Variants in AKAP13 observed in about 807,000 individuals in gnomAD.
AKAP13 encodes the protein A-kinase anchoring protein 13.
AKAP13 carries 80 observed loss-of-function variants against 264.5 expected under a neutral mutation model. That is an observed-to-expected ratio of 0.30 (90% confidence interval 0.25 to 0.36). AKAP13 has a LOEUF of 0.36. AKAP13 is among the 10% of genes least tolerant of loss of function. The pLI is 1.00. For missense variants in AKAP13, 3,712 were observed against 3,435.2 expected, an observed-to-expected ratio of 1.08 and a Z score of -2.01; for synonymous variants, 1,380 against 1,250.2, an observed-to-expected ratio of 1.10 and a Z score of -2.19.
chr15:85,629,820 C>G (rs999757564), intron 8 of AKAP13, among the ~76,000 whole-genome samples: 2 of 117,740 alleles, frequency 1.7e-5, no homozygotes, highest in Non-Finnish European at 3.3e-5. Context: ...GGCTGTGTCA[C>G]CCAGGCTGGA....
intron 1 of AKAP13, among the ~76,000 whole-genome samples, chr15:85,411,822 G>A (rs1447366673): frequency 1.3e-5 from 2 of 152,156 alleles, no homozygotes; most frequent in Admixed American, 6.5e-5. Flanking sequence ...TTGGTTATTT[G>A]GCAGATACCT....
At chr15:85,624,149 T>G (rs1441950548) in intron 8 of AKAP13, among the ~76,000 whole-genome samples, 1 of 152,234 alleles carries the variant, frequency 6.6e-6, no homozygotes, top group Non-Finnish European at 1.5e-5. Context: ...CCATTGCTGT[T>G]TTACTAATTT....
chr15:85,555,148 C>T (rs1012284872), intron 5 of AKAP13, among the ~76,000 whole-genome samples: 4 of 152,070 alleles, frequency 2.6e-5, no homozygotes, highest in Admixed American at 6.6e-5. Context: ...GAGTTCCCTA[C>T]GGATAGCTAA....
intron 1 of AKAP13, among the ~76,000 whole-genome samples, chr15:85,483,788 G>C (rs1422102824): frequency 6.6e-6 from 1 of 152,186 alleles, no homozygotes; most frequent in Non-Finnish European, 1.5e-5. Flanking sequence ...TCTAGCCTGG[G>C]CGACAGAGCG....
chr15:85,574,534 G>A (rs2078944408), intron 5 of AKAP13, among the ~76,000 whole-genome samples: 1 of 152,160 alleles, frequency 6.6e-6, no homozygotes, highest in Non-Finnish European at 1.5e-5. Flanking sequence ...TTAAGTTCTT[G>A]GAACCAAGTG....
Position 85,481,195 on chromosome 15 carries a change from A to T in AKAP13, c.-11-4515A>T, listed in dbSNP as rs1221068410. ...TGGTCCTCTATAGTGAGTGGTTTTTACATAGTTCTTTGCAGCAGCATGAAT... is the reference window on the plus strand; with the variant it reads ...TGGTCCTCTATAGTGAGTGGTTTTTTCATAGTTCTTTGCAGCAGCATGAAT... On this transcript the variant is annotated intron_variant, in intron 1 of 36. Coordinates refer to ENST00000394518, the MANE Select transcript of AKAP13 (RefSeq NM_007200.5). Among the ~76,000 whole-genome samples, 10 of 152,058 alleles carry T rather than the reference A, an allele frequency of 6.6e-5. 1 individual carries two copies. Among genetic ancestry groups the T allele is most frequent in the Admixed American group, 4.6e-4 (7 of 15,280 alleles).
At chr15:85,482,973 T>G (rs1441447881) in intron 1 of AKAP13, among the ~76,000 whole-genome samples, 1 of 152,212 alleles carries the variant, frequency 6.6e-6, no homozygotes, top group African/African-American at 2.4e-5. Flanking sequence ...ACAGACACTT[T>G]GTCATCCCTC....
intron 1 of AKAP13, among the ~76,000 whole-genome samples, chr15:85,422,244 G>T (rs149202888): frequency 6.6e-6 from 1 of 152,284 alleles, no homozygotes; most frequent in African/African-American, 2.4e-5. Context: ...GCTGTTACGA[G>T]ATTTGAGGTG....
intron 8 of AKAP13, among the ~76,000 whole-genome samples, chr15:85,597,458 A>G (rs960202115): frequency 2.6e-5 from 4 of 152,152 alleles, no homozygotes; most frequent in Non-Finnish European, 5.9e-5. Context: ...AAATAGGACC[A>G]TCTTTACTGG....
intron 8 of AKAP13, among the ~76,000 whole-genome samples, chr15:85,596,098 T>A (rs1055122424): frequency 5.9e-5 from 9 of 152,222 alleles, no homozygotes; most frequent in African/African-American, 2.2e-4. Context: ...AGTGTACATA[T>A]GAAGTCTTCA....
chr15:85,398,712 C>T (rs773342363), intron 1 of AKAP13, among the ~76,000 whole-genome samples: 6 of 152,088 alleles, frequency 3.9e-5, no homozygotes, highest in African/African-American at 7.2e-5. Flanking sequence ...CATGCCACCA[C>T]GCCCGGCTAA....
intron 30 of AKAP13, among the ~76,000 whole-genome samples, chr15:85,731,265 C>G (rs2151752537): frequency 6.6e-6 from 1 of 152,284 alleles, no homozygotes; most frequent in Non-Finnish European, 1.5e-5. Flanking sequence ...CTTGGCCTCT[C>G]AAAGGGCTGA....
Position 85,708,979 on chromosome 15 carries a change from G to A in AKAP13, c.5532+893G>A, listed in dbSNP as rs1293662248. 6.6e-6 allele frequency among the ~76,000 whole-genome samples: 1 copy of A among 152,202 alleles called. No individual in the cohort carries two copies. The highest frequency in any genetic ancestry group is 1.5e-5 in the Non-Finnish European group (1 of 68,038). ...AGTAAGTTCCCAGATGATGCTGATAGTCCGAGGACCTTACTTTGAGAAGCA... is the reference window on the plus strand; with the variant it reads ...AGTAAGTTCCCAGATGATGCTGATAATCCGAGGACCTTACTTTGAGAAGCA... On this transcript the variant is annotated intron_variant, in intron 18 of 36. Transcript: ENST00000394518. The surrounding 1 kb of genome is among the most constrained non-coding windows in gnomAD (Gnocchi z 4.3).
At chr15:85,462,102 G>A (rs1398474508) in intron 1 of AKAP13, among the ~76,000 whole-genome samples, 1 of 152,144 alleles carries the variant, frequency 6.6e-6, no homozygotes, top group East Asian at 1.9e-4. Context: ...TTTCTGGAGG[G>A]CAGTTGGTAT....
intron 1 of AKAP13, among the ~76,000 whole-genome samples, chr15:85,465,429 C>A (rs1005542428): frequency 2.1e-4 from 31 of 150,518 alleles, no homozygotes; most frequent in African/African-American, 6.6e-4. Context: ...TATACATGTG[C>A]CATGCTGGTG....
rs992618059 is a variant in AKAP13, at chr15:85,579,875, C to T, written c.1807C>T (p.Pro603Ser). Residue 603 changes from proline to serine, a missense_variant, in exon 7 of 37, where the codon CCT (proline) becomes TCT (serine). Around this residue, in one of 3 missense-constraint regions of AKAP13, gnomAD observed 2,759 missense variants for 2,411.7 expected, o/e 1.14. Transcript: ENST00000394518. ...AKDKISDGLEPYTLLAAGIGE... is the reference protein window; with the variant it reads ...AKDKISDGLESYTLLAAGIGE... ...AGACAAGATTTCAGATGGATTAGAACCTTATACTCTCTTAGCAGCAGGCAT... is the reference window on the plus strand; with the variant it reads ...AGACAAGATTTCAGATGGATTAGAATCTTATACTCTCTTAGCAGCAGGCAT... 1 of 1,614,054 alleles carries T rather than the reference C, an allele frequency of 6.2e-7. No individual in the cohort carries two copies. Among genetic ancestry groups the T allele is most frequent in the African/African-American group, 1.3e-5 (1 of 74,920 alleles).
In AKAP13 at chr15:85,693,146, AG is replaced by A; in HGVS notation, c.5290-130del. 2 of 1,369,022 alleles carry A rather than the reference AG, an allele frequency of 1.5e-6. 1 individual carries two copies. The highest frequency in any genetic ancestry group is 3.6e-5 in the South Asian group (2 of 55,440). 84.8% of individuals were successfully genotyped at this position (1,369,022 alleles called of 1,614,324 possible). A position where few individuals can be genotyped will look rare whatever the true frequency, so the allele number is the denominator to read the frequency against. On this transcript the variant is annotated intron_variant, in intron 16 of 36. Coordinates refer to ENST00000394518, the MANE Select transcript of AKAP13 (RefSeq NM_007200.5). ...AAAAACAAAACAAAACACTTTGCCC[AG>A]AACTTTGTTTCTCACTCCTTTCCAA... is the stretch of plus-strand genomic sequence containing the variant.
In AKAP13 at chr15:85,580,090, T is replaced by C; in HGVS notation, c.2022T>C (p.Ser674=). ...CATGTCAACAGAACACAGTGACTTC[T>C]AGTGGCGATTTGGTTGCAAAACTGT... ...DSACQQNTVT[S]SGDLVAKLCD... is the part of the protein sequence containing the mutation. Residue 674 remains serine, a synonymous_variant, in exon 7 of 37, where the codon TCT becomes TCC. Transcript: ENST00000394518. 6.2e-7 allele frequency: 1 copy of C among 1,614,238 alleles called. No homozygotes were observed. Among genetic ancestry groups the C allele is most frequent in the Non-Finnish European group, 8.5e-7 (1 of 1,180,044 alleles).
intron 1 of AKAP13, among the ~76,000 whole-genome samples, chr15:85,419,031 A>T (rs930895695): frequency 1.3e-5 from 2 of 152,214 alleles, no homozygotes; most frequent in Non-Finnish European, 2.9e-5. Flanking sequence ...TTAAGGGTTT[A>T]ATTAGAGCCA....
Sources: gnomAD v4.1 joint callset for allele counts (sites outside exome capture counted in the v4.1 genomes callset) on GRCh38, gnomAD v4.1.1 for gene constraint, gnomAD v4.1.1 regional missense constraint, Gnocchi (gnomAD v3.1) non-coding constraint, MANE v1.5 for transcripts, NCBI Gene and HGNC (gene_info 2026-07-23, HGNC 2026-07-21) for gene names.